ABHD8: variants seen among roughly 807,000 people sequenced by gnomAD.
ABHD8 encodes abhydrolase domain containing 8.
In ABHD8, 10 loss-of-function variants were observed where a neutral mutation model predicts 29.3. The observed-to-expected ratio is 0.34, with a 90% CI of 0.21 to 0.58. ABHD8 has a LOEUF of 0.58. Among genes scored for constraint, ABHD8 ranks in the 20% least tolerant of loss-of-function variants. ABHD8 has a pLI of 0.85. For synonymous variants in ABHD8, 282 were observed against 274.6 expected, an observed-to-expected ratio of 1.03 and a Z score of -0.27; for missense variants, 556 against 615.3, an observed-to-expected ratio of 0.90 and a Z score of 1.02.
Position 17,293,694 on chromosome 19 carries a change from T to G in ABHD8, c.1149+594A>C, listed in dbSNP as rs1361724212. ...AGTTATACTTTAATGGTTTTTGTTT[T>G]TTTTTTTTTTTCTTTAAGAAACGGG... On this transcript the variant is annotated intron_variant, in intron 4 of 4. Coordinates refer to ENST00000247706, the MANE Select transcript of ABHD8 (RefSeq NM_024527.5). Among the ~76,000 whole-genome samples the G allele has an allele frequency of 4.0e-5, 6 of 151,668 alleles. No individual in the cohort carries two copies. The South Asian group carries it at 6.3e-4, about 16-fold the overall frequency.
rs570892991 is a variant in ABHD8 at position 17,293,693 on chromosome 19, T to G, written c.1149+595A>C. ...CAGTTATACTTTAATGGTTTTTGTT[T>G]TTTTTTTTTTTTCTTTAAGAAACGG... On this transcript the variant is annotated intron_variant, in intron 4 of 4. Coordinates refer to ENST00000247706, the MANE Select transcript of ABHD8 (RefSeq NM_024527.5). Among the ~76,000 whole-genome samples, 87 of 144,752 alleles carry G rather than the reference T, an allele frequency of 6.0e-4. 1 individual carries two copies. The highest frequency in any genetic ancestry group is 8.1e-4 in the Admixed American group (12 of 14,862). 95.0% of individuals were successfully genotyped at this position (144,752 alleles called of 152,430 possible).
intron 4 of ABHD8, among the ~76,000 whole-genome samples, chr19:17,293,635 G>A (rs1341469516): frequency 6.6e-6 from 1 of 151,728 alleles, no homozygotes; most frequent in African/African-American, 2.4e-5. Context: ...GTTCCTTGGG[G>A]GCAGAATCCT....
rs760274265 is a variant in ABHD8, at chr19:17,301,408, C to T, written c.209G>A (p.Gly70Glu). Reference sequence around the variant, plus strand: ...ACAGCGGACCAAGCCGGAGAGGTCCCCCTGGGCTGCATCCGAGGATGCGGA... The same window carrying T: ...ACAGCGGACCAAGCCGGAGAGGTCCTCCTGGGCTGCATCCGAGGATGCGGA... ...PSSASSDAAQGDLSGLVRCQR... is the reference protein window; with the variant it reads ...PSSASSDAAQEDLSGLVRCQR... The change falls in exon 2 of 5, where the codon GGG becomes GAG. Residue 70 changes from glycine (G) to glutamate (E), a missense_variant. By Grantham distance (98) the Gly-to-Glu change is moderately conservative. Around this residue, in one of 2 missense-constraint regions of ABHD8, gnomAD observed 286 missense variants for 261.4 expected, o/e 1.09. Coordinates refer to ENST00000247706, the MANE Select transcript of ABHD8 (RefSeq NM_024527.5). 6.2e-7 allele frequency: 1 copy of T among 1,612,120 alleles called. No individual in the cohort carries two copies. Among genetic ancestry groups the T allele is most frequent in the South Asian group, 1.1e-5 (1 of 91,080 alleles).
chr19:17,295,217 T>A (rs908615391), intron 2 of ABHD8, among the ~76,000 whole-genome samples: 10 of 149,704 alleles, frequency 6.7e-5, no homozygotes, highest in Admixed American at 2.0e-4. Context: ...GCCATTCTCC[T>A]GCCTCAGCCT....
At chr19:17,292,980 G>A in intron 4 of ABHD8, 149 bp from the exon 5 acceptor site, 1 of 859,384 alleles carries the variant, frequency 1.2e-6, no homozygotes, top group Non-Finnish European at 1.7e-6. Context: ...CCACTCAAGG[G>A]GGAGCTGGAG....
chr19:17,298,493 G>A (rs2145656209), intron 2 of ABHD8: 1 of 152,256 alleles, frequency 6.6e-6, no homozygotes, highest in South Asian at 2.1e-4. Flanking sequence ...AATGCACAGT[G>A]TTCTCCAGGG....
chr19:17,293,106 T>TC (rs1410255785), intron 4 of ABHD8, among the ~76,000 whole-genome samples: 3 of 150,414 alleles, frequency 2.0e-5, no homozygotes, highest in African/African-American at 7.3e-5. Context: ...TTCTTTTTTT[T>TC]TTTTTTTGAG....
chr19:17,295,942 C>G (rs2145653543), intron 2 of ABHD8, among the ~76,000 whole-genome samples: 1 of 152,254 alleles, frequency 6.6e-6, no homozygotes, highest in South Asian at 2.1e-4. Context: ...AACTCCTGGG[C>G]TCAAGTGATC....
chr19:17,299,904 CTTT>C (rs35667706), intron 2 of ABHD8, among the ~76,000 whole-genome samples: 2 of 140,292 alleles, frequency 1.4e-5, no homozygotes, highest in African/African-American at 2.7e-5. Context: ...GTGGTGGCCC[CTTT>C]TTTTTTTTTC....
chr19:17,297,395 G>C (rs1019999312), intron 2 of ABHD8, among the ~76,000 whole-genome samples: 1 of 151,794 alleles, frequency 6.6e-6, no homozygotes, highest in Admixed American at 6.6e-5. Flanking sequence ...TCATGGGTTC[G>C]AATGATTATC....
intron 2 of ABHD8, among the ~76,000 whole-genome samples, chr19:17,299,286 G>A (rs1233519845): frequency 6.7e-6 from 1 of 148,550 alleles, no homozygotes; most frequent in Non-Finnish European, 1.5e-5. Flanking sequence ...AATTGGCCTG[G>A]TGCGTTGGCT....
chr19:17,294,775 C>A lies in ABHD8; in HGVS notation c.832G>T (p.Gly278Trp). The A allele has an allele frequency of 1.2e-6, 2 of 1,614,226 alleles. No homozygotes were observed. The highest frequency in any genetic ancestry group is 8.5e-7 in the Non-Finnish European group (1 of 1,180,048). The change falls in exon 3 of 5, where the codon GGG becomes TGG. Residue 278 changes from glycine (G) to tryptophan (W), a missense_variant. Around this residue, in one of 2 missense-constraint regions of ABHD8, gnomAD observed 270 missense variants for 353.9 expected, o/e 0.76. Coordinates refer to ENST00000247706, the MANE Select transcript of ABHD8 (RefSeq NM_024527.5). ...LVHKVIMING[G>W]GPTALEPSFC... ...CTGGGCTCCAGCGCCGTAGGGCCCC[C>A]GCCATTGATCATGATCACCTTGTGC...
At chr19:17,295,174 C>T (rs1254071305) in intron 2 of ABHD8, among the ~76,000 whole-genome samples, 2 of 142,008 alleles carry the variant, frequency 1.4e-5, no homozygotes, top group Non-Finnish European at 3.0e-5. Context: ...GGCGCAATCT[C>T]GGCTCACTGC....
intron 2 of ABHD8, among the ~76,000 whole-genome samples, chr19:17,298,653 G>C (rs866933216): frequency 2.0e-5 from 3 of 151,422 alleles, no homozygotes; most frequent in East Asian, 3.9e-4. Context: ...AGAAGCCAGG[G>C]ATGCTACTAA....
chr19:17,299,243 C>G lies in ABHD8; in HGVS notation c.761+1613G>C, dbSNP rs568501768. On this transcript the variant is annotated intron_variant, in intron 2 of 4. Transcript: ENST00000247706. The stretch of plus-strand genomic sequence containing the variant: ...TGGGCAACATAATGAGACCCCCCCC[C>G]CATTCTCTATATAATTTTTTTTTGA... 1.1e-4 allele frequency among the ~76,000 whole-genome samples: 17 copies of G among 148,752 alleles called. No homozygotes were observed. In the East Asian group the frequency reaches 3.0e-3, roughly 26 times the overall value.
rs375212540 is a variant in ABHD8 at position 17,294,273 on chromosome 19, G to A, written c.1149+15C>T. The A allele has an allele frequency of 2.5e-6, 4 of 1,592,692 alleles. No homozygotes were observed. The highest frequency in any genetic ancestry group is 1.3e-5 in the African/African-American group (1 of 74,740). ...GGGGATTTGTAGCTGTGGCGCCCCA[G>A]GTGCCCGCCTCTACCTCGGCCATGC... On this transcript the variant is annotated intron_variant, in intron 4 of 4. Coordinates refer to ENST00000247706, the MANE Select transcript of ABHD8 (RefSeq NM_024527.5).
At chr19:17,299,386 C>T (rs890532885) in intron 2 of ABHD8, among the ~76,000 whole-genome samples, 1 of 151,622 alleles carries the variant, frequency 6.6e-6, no homozygotes, top group Admixed American at 6.6e-5. Context: ...ACGGTGAAAC[C>T]CCGTCTGTAC....
chr19:17,300,183 C>A (rs544229927), intron 2 of ABHD8, among the ~76,000 whole-genome samples: 2 of 151,768 alleles, frequency 1.3e-5, no homozygotes, highest in Non-Finnish European at 2.9e-5. Flanking sequence ...GGATTACAGG[C>A]GTGAGCCACC....
intron 4 of ABHD8, among the ~76,000 whole-genome samples, chr19:17,293,247 C>T (rs1251046711): frequency 3.3e-5 from 5 of 151,920 alleles, no homozygotes; most frequent in Non-Finnish European, 7.4e-5. Context: ...AGGCACGCGC[C>T]ACTACACCCG....
Sources: allele counts gnomAD v4.1 joint callset (sites outside exome capture counted in the v4.1 genomes callset), GRCh38; gene constraint gnomAD v4.1.1; regional missense constraint gnomAD v4.1.1; transcripts MANE v1.5; gene names NCBI Gene and HGNC (gene_info 2026-07-23, HGNC 2026-07-21).